Variants in TXNRD2 observed in about 807,000 individuals in gnomAD.
The protein encoded by TXNRD2 is thioredoxin reductase 2, also known as thioredoxin reductase 2, mitochondrial.
A neutral mutation model predicts 70.8 loss-of-function variants in TXNRD2; 67 were observed. The observed-to-expected ratio is 0.95, with a 90% CI of 0.78 to 1.16. TXNRD2 has a LOEUF of 1.16. TXNRD2 is among the 50% of genes most tolerant of loss of function. The pLI is 0.00. For missense variants in TXNRD2, 644 were observed against 719.9 expected (o/e 0.89, Z 1.21); for synonymous variants, 301 against 295.8 (o/e 1.02, Z -0.18).
At chr22:19,918,487 G>C (rs1283546515) in intron 4 of TXNRD2, among the ~76,000 whole-genome samples, 3 of 152,202 alleles carry the variant, frequency 2.0e-5, no homozygotes, top group Non-Finnish European at 2.9e-5. Flanking sequence ...ACCCACTGCA[G>C]GCAGAGGCCT....
intron 1 of TXNRD2, among the ~76,000 whole-genome samples, chr22:19,935,403 G>A (rs532140735): frequency 2.0e-5 from 3 of 152,252 alleles, no homozygotes; most frequent in South Asian, 4.1e-4. Flanking sequence ...CATGTTTTCC[G>A]TTGTTTAAGA....
intron 17 of TXNRD2, chr22:19,876,660 G>C (rs181931257): frequency 9.7e-5 from 15 of 155,338 alleles, no homozygotes; most frequent in Admixed American, 9.6e-4. Context: ...GGGAGGCCTC[G>C]GTGGGAGGCC....
chr22:19,927,893 A>T (rs1292470839), intron 2 of TXNRD2, among the ~76,000 whole-genome samples: 1 of 152,074 alleles, frequency 6.6e-6, no homozygotes, highest in Non-Finnish European at 1.5e-5. Context: ...ACGTAATGTG[A>T]GGTATATCTC....
intron 7 of TXNRD2, among the ~76,000 whole-genome samples, chr22:19,914,555 T>G (rs1940549689): frequency 6.6e-6 from 1 of 152,184 alleles, no homozygotes; most frequent in African/African-American, 2.4e-5. Flanking sequence ...TGAGAAGGAC[T>G]TACATGTACG....
chr22:19,910,780 T>A (rs1940371052), intron 8 of TXNRD2, among the ~76,000 whole-genome samples: 1 of 152,084 alleles, frequency 6.6e-6, no homozygotes, highest in Non-Finnish European at 1.5e-5. Context: ...GTTAATATTT[T>A]CAGATTTTTG....
At chr22:19,882,433 A>T (rs958060357) in intron 12 of TXNRD2, among the ~76,000 whole-genome samples, 7 of 152,024 alleles carry the variant, frequency 4.6e-5, no homozygotes, top group Non-Finnish European at 1.5e-5. Context: ...TCCTGACCTC[A>T]AGTAATCTGC....
At chr22:19,880,109 C>G in intron 14 of TXNRD2, 70 bp downstream of exon 14, 2 of 1,533,050 alleles carry the variant, frequency 1.3e-6, no homozygotes, top group Admixed American at 3.4e-5. Context: ...CTCACAAGGC[C>G]TCCGCCCAGA....
intron 2 of TXNRD2, among the ~76,000 whole-genome samples, chr22:19,930,392 G>A (rs1357401878): frequency 1.3e-5 from 2 of 152,140 alleles, no homozygotes; most frequent in African/African-American, 4.8e-5. Flanking sequence ...TCCTACAGCA[G>A]GGCACAGAGT....
In TXNRD2 at chr22:19,909,886, CTCA is replaced by C. The variant is rs1569093943; in HGVS notation, c.662+1488_662+1490del. Among the ~76,000 whole-genome samples the C allele has an allele frequency of 8.5e-4, 72 of 84,268 alleles. 1 individual carries two copies. Among genetic ancestry groups the C allele is most frequent in the South Asian group, 1.5e-3 (3 of 2,008 alleles). The allele number at this position is 84,268 out of a possible 152,430, so 55.3% of individuals were successfully genotyped here. A position where few individuals can be genotyped will look rare whatever the true frequency, so the allele number is the denominator to read the frequency against. ...ACACACACACCACTCACACACACCA[CTCA>C]CACACACACACACCACACACCCACA... On this transcript the variant is annotated intron_variant, in intron 8 of 17. Transcript: ENST00000400521.
At chr22:19,925,658 G>T (rs1941111792) in intron 2 of TXNRD2, among the ~76,000 whole-genome samples, 1 of 151,752 alleles carries the variant, frequency 6.6e-6, no homozygotes, top group South Asian at 2.1e-4. Context: ...GCAAGTTAAG[G>T]TACATGCCAT....
At chr22:19,932,432 C>A in intron 1 of TXNRD2, 1 of 1,612,096 alleles carries the variant, frequency 6.2e-7, no homozygotes, top group South Asian at 1.1e-5. Flanking sequence ...GTCATCGTGT[C>A]TACTCTGCAA....
intron 2 of TXNRD2, among the ~76,000 whole-genome samples, chr22:19,930,416 G>A (rs545419664): frequency 1.1e-4 from 17 of 152,162 alleles, no homozygotes; most frequent in Non-Finnish European, 2.1e-4. Context: ...GCAAAGTGCT[G>A]GTGGCCTGTG....
intron 12 of TXNRD2, among the ~76,000 whole-genome samples, chr22:19,882,856 GC>G (rs745744477): frequency 1.3e-5 from 2 of 152,280 alleles, no homozygotes; most frequent in Non-Finnish European, 2.9e-5. Flanking sequence ...CAAAGGACCT[GC>G]CCCGGTGTGA....
chr22:19,888,482 T>G (rs962735657), intron 11 of TXNRD2, among the ~76,000 whole-genome samples: 7 of 152,248 alleles, frequency 4.6e-5, no homozygotes, highest in African/African-American at 7.2e-5. Context: ...GCATGCCCTC[T>G]GATTTCACGC....
intron 2 of TXNRD2, 65 bp downstream of exon 2, chr22:19,930,965 G>T: frequency 1.3e-6 from 2 of 1,482,088 alleles, no homozygotes; most frequent in Non-Finnish European, 1.9e-6. Flanking sequence ...TTTCTGGACA[G>T]CACCACCCTC....
chr22:19,937,909 C>T (rs1941584446), intron 1 of TXNRD2: 1 of 152,230 alleles, frequency 6.6e-6, no homozygotes, highest in African/African-American at 2.4e-5. Flanking sequence ...TGGGACACCT[C>T]GGACTCAGAC....
intron 2 of TXNRD2, among the ~76,000 whole-genome samples, chr22:19,922,765 C>T (rs1940964219): frequency 6.6e-6 from 1 of 152,162 alleles, no homozygotes; most frequent in African/African-American, 2.4e-5. Flanking sequence ...TGGCTCACTG[C>T]AACCTCCACC....
intron 2 of TXNRD2, among the ~76,000 whole-genome samples, chr22:19,927,869 A>C (rs985432322): frequency 9.9e-5 from 15 of 152,116 alleles, no homozygotes; most frequent in Admixed American, 2.0e-4. Context: ...TCGGGTACCA[A>C]GGGACAAATG....
chr22:19,899,143 C>A, intron 8 of TXNRD2, 75 bp from the exon 9 acceptor site: 1 of 1,591,530 alleles, frequency 6.3e-7, no homozygotes, highest in South Asian at 1.1e-5. Flanking sequence ...AGCAGAACCC[C>A]GCAGCCTTTG....
Sources: allele counts gnomAD v4.1 joint callset (sites outside exome capture counted in the v4.1 genomes callset), GRCh38; gene constraint gnomAD v4.1.1; transcripts MANE v1.5; gene names NCBI Gene and HGNC (gene_info 2026-07-23, HGNC 2026-07-21).